The following SYT14 variants were observed in gnomAD, a reference collection of about 807,000 sequenced individuals.
SYT14 encodes synaptotagmin-14.
In SYT14, 32 loss-of-function variants were observed where a neutral mutation model predicts 74.2. The observed-to-expected ratio is 0.43, with a 90% CI of 0.33 to 0.58. The LOEUF (loss-of-function observed/expected upper bound fraction) is 0.58, where lower values mean the gene tolerates loss of function less well. Among genes scored for constraint, SYT14 ranks in the 20% least tolerant of loss-of-function variants. SYT14 has a pLI of 0.05. For missense variants in SYT14, 791 were observed against 981.8 expected (o/e 0.81, Z 2.60); for synonymous variants, 298 against 337.7 (o/e 0.88, Z 1.29).
intron 5 of SYT14, among the ~76,000 whole-genome samples, chr1:210,054,504 CT>C (rs755658381): frequency 2.6e-5 from 4 of 151,846 alleles, no homozygotes; most frequent in Non-Finnish European, 4.4e-5. Flanking sequence ...ATTACATTTT[CT>C]TTTTTTTAAG....
chr1:209,952,977 G>T, intron 2 of SYT14: 1 of 1,364,198 alleles, frequency 7.3e-7, no homozygotes, highest in Middle Eastern at 2.6e-4. Context: ...GGCTAATAAA[G>T]CCTGGTTTCT....
At chr1:210,143,990 A>G (rs1030424142) in intron 7 of SYT14, among the ~76,000 whole-genome samples, 2 of 152,152 alleles carry the variant, frequency 1.3e-5, no homozygotes, top group African/African-American at 4.8e-5. Flanking sequence ...TTGAGTCTCA[A>G]GGAACTTTTA....
chr1:209,976,661 T>C (rs893813314), intron 2 of SYT14, among the ~76,000 whole-genome samples: 7 of 152,188 alleles, frequency 4.6e-5, no homozygotes, highest in African/African-American at 1.7e-4. Context: ...GGCATGGTGC[T>C]GAGAAGAATG....
At chr1:210,054,606 T>A (rs912502966) in intron 5 of SYT14, among the ~76,000 whole-genome samples, 2 of 152,218 alleles carry the variant, frequency 1.3e-5, no homozygotes, top group African/African-American at 4.8e-5. Context: ...AGAAACTGTG[T>A]GCCTGGACTG....
rs552898492 is a variant in SYT14 at position 209,968,836 on chromosome 1, C to G, written c.-486+16080C>G. On this transcript the variant is annotated intron_variant, in intron 2 of 9. Coordinates refer to ENST00000637265, the Ensembl canonical transcript of SYT14. ...GGTGAGGTTTAGGGTACCATTGATG[C>G]CACCACCCAGGTAGTGAACATAGTA... 3.0e-4 allele frequency among the ~76,000 whole-genome samples: 45 copies of G among 151,794 alleles called. No individual in the cohort carries two copies. The South Asian group carries it at 9.2e-3, about 31-fold the overall frequency.
chr1:210,166,085 T>C (rs1197682327), exon 10 of SYT14: 1 of 152,106 alleles, frequency 6.6e-6, no homozygotes, highest in East Asian at 1.9e-4. Flanking sequence ...TAGAGTACCG[T>C]GGGATTTAGT....
chr1:210,097,743 A>G (rs1317351747), intron 6 of SYT14, among the ~76,000 whole-genome samples: 2 of 152,218 alleles, frequency 1.3e-5, no homozygotes, highest in Non-Finnish European at 2.9e-5. Context: ...TTTTTAACAG[A>G]ATAAGAATAT....
At chr1:210,082,757 C>G (rs1170724342) in intron 5 of SYT14, among the ~76,000 whole-genome samples, 1 of 152,154 alleles carries the variant, frequency 6.6e-6, no homozygotes, top group East Asian at 1.9e-4. Flanking sequence ...CAGATAGCCT[C>G]TGTTTGATAC....
At chr1:210,103,323 G>A (rs1251470230) in intron 7 of SYT14, among the ~76,000 whole-genome samples, 3 of 151,888 alleles carry the variant, frequency 2.0e-5, no homozygotes, top group Non-Finnish European at 4.4e-5. Flanking sequence ...GGCCGAGGTG[G>A]GCAGATCATG....
chr1:210,056,776 A>T (rs2102398487), intron 5 of SYT14, among the ~76,000 whole-genome samples: 1 of 151,592 alleles, frequency 6.6e-6, no homozygotes, highest in Non-Finnish European at 1.5e-5. Context: ...ACAGAGCGAA[A>T]CTCCGTATCA....
At chr1:210,140,769 T>G (rs1381006056) in intron 7 of SYT14, among the ~76,000 whole-genome samples, 1 of 152,160 alleles carries the variant, frequency 6.6e-6, no homozygotes, top group Non-Finnish European at 1.5e-5. Flanking sequence ...TTTTTTCATT[T>G]ATTTGTGTTG....
At chr1:210,160,337 G>A (rs1193831042) in intron 9 of SYT14, among the ~76,000 whole-genome samples, 1 of 151,600 alleles carries the variant, frequency 6.6e-6, no homozygotes, top group Non-Finnish European at 1.5e-5. Context: ...GTGGCTAATT[G>A]AGCTTGCTAA....
At chr1:210,075,768 G>T (rs757912325) in intron 5 of SYT14, among the ~76,000 whole-genome samples, 6 of 152,114 alleles carry the variant, frequency 3.9e-5, no homozygotes, top group Non-Finnish European at 5.9e-5. Context: ...CGGGGGTAGA[G>T]CCCTTACCAG....
At chr1:210,001,175 A>T (rs535399308) in intron 2 of SYT14, among the ~76,000 whole-genome samples, 2 of 152,270 alleles carry the variant, frequency 1.3e-5, no homozygotes, top group South Asian at 4.1e-4. Context: ...ATATATTTTC[A>T]TGAATTTTTT....
At chr1:210,113,375 G>A (rs559872776) in intron 7 of SYT14, among the ~76,000 whole-genome samples, 1 of 151,274 alleles carries the variant, frequency 6.6e-6, no homozygotes, top group South Asian at 2.1e-4. Context: ...ACCATGAGGT[G>A]GATAGGCAAA....
intron 7 of SYT14, among the ~76,000 whole-genome samples, chr1:210,146,567 C>T (rs1558221212): frequency 6.6e-6 from 1 of 151,834 alleles, no homozygotes; most frequent in African/African-American, 2.4e-5. Flanking sequence ...TATTTAGCAA[C>T]TCAATATATG....
rs1383501524 is a variant in SYT14 at position 209,976,879 on chromosome 1, C to G, written c.-486+24123C>G. 3.3e-5 allele frequency among the ~76,000 whole-genome samples: 5 copies of G among 152,226 alleles called. No homozygotes were observed. The South Asian group carries it at 1.0e-3, about 32-fold the overall frequency. ...GTCTCTAAGGACTTGCTTTATGAAT[C>G]TGGGTGCTCCTGTATTGGGTGCATA... On this transcript the variant is annotated intron_variant, in intron 2 of 9. Coordinates refer to ENST00000637265, the Ensembl canonical transcript of SYT14.
At chr1:210,050,713 G>C (rs1427527236) in intron 5 of SYT14, among the ~76,000 whole-genome samples, 1 of 152,186 alleles carries the variant, frequency 6.6e-6, no homozygotes, top group Non-Finnish European at 1.5e-5. Context: ...TGGCAGACAA[G>C]AGAAGAGAGC....
At chr1:209,986,935 T>C (rs191500034) in intron 2 of SYT14, among the ~76,000 whole-genome samples, 3 of 152,258 alleles carry the variant, frequency 2.0e-5, no homozygotes, top group Admixed American at 2.0e-4. Context: ...TTATCTTTCA[T>C]TTTCAAACTT....
Sources: gnomAD v4.1 joint callset for allele counts (sites outside exome capture counted in the v4.1 genomes callset) on GRCh38, gnomAD v4.1.1 for gene constraint, MANE v1.5 for transcripts, NCBI Gene and HGNC (gene_info 2026-07-23, HGNC 2026-07-21) for gene names.